PRELID2: variants seen among roughly 807,000 people sequenced by gnomAD.
The protein encoded by PRELID2 is PRELI domain containing 2, also known as PRELI domain-containing protein 2.
A neutral mutation model predicts 28.4 loss-of-function variants in PRELID2; 25 were observed. The ratio of observed to expected loss-of-function variants is 0.88; its 90% CI spans 0.64 to 1.23. PRELID2 has a LOEUF of 1.23. Among genes scored for constraint, PRELID2 ranks in the 50% most tolerant of loss-of-function variants. PRELID2 has a pLI of 0.00. For synonymous variants in PRELID2, 76 were observed against 71.6 expected, an observed-to-expected ratio of 1.06 and a Z score of -0.31; for missense variants, 201 against 214.4, an observed-to-expected ratio of 0.94 and a Z score of 0.39.
the PRELID2 span, among the ~76,000 whole-genome samples, chr5:145,433,050 C>A: frequency 6.6e-6 from 1 of 152,170 alleles, no homozygotes; most frequent in Middle Eastern, 3.4e-3. Context: ...AGCACTCCAC[C>A]AAGACATTAC....
intron 1 of PRELID2, among the ~76,000 whole-genome samples, chr5:145,707,362 T>A (rs1168511839): frequency 1.3e-5 from 2 of 152,182 alleles, no homozygotes; most frequent in Non-Finnish European, 2.9e-5. Context: ...AAGGCTCAGC[T>A]GACCTTTGGA....
chr5:145,549,438 CTTACTAAT>C (rs1752814111), intron 1 of PRELID2, among the ~76,000 whole-genome samples: 1 of 152,160 alleles, frequency 6.6e-6, no homozygotes, highest in Non-Finnish European at 1.5e-5. Context: ...GAGGTGTTTA[CTTACTAAT>C]TTCACGCTAT....
At chr5:145,546,557 C>T (rs1752790277) in intron 1 of PRELID2, among the ~76,000 whole-genome samples, 1 of 152,072 alleles carries the variant, frequency 6.6e-6, no homozygotes, top group South Asian at 2.1e-4. Flanking sequence ...GCAAGTAGAA[C>T]ATTCATTGTA....
At chr5:145,241,828 C>T in the PRELID2 span, among the ~76,000 whole-genome samples, 1 of 151,894 alleles carries the variant, frequency 6.6e-6, no homozygotes, top group Non-Finnish European at 1.5e-5. Context: ...CAGTGAACAT[C>T]GTTTTCTTAC....
At chr5:145,604,194 G>C (rs1982070) in intron 1 of PRELID2, among the ~76,000 whole-genome samples, 20,089 of 151,760 alleles carry the variant, frequency 0.13, 2,143 homozygotes, top group African/African-American at 0.28. Context: ...ATTTTATCAC[G>C]CAGGTAATAA....
intron 1 of PRELID2, among the ~76,000 whole-genome samples, chr5:145,624,643 A>G (rs1753819106): frequency 6.6e-6 from 1 of 152,258 alleles, no homozygotes; most frequent in Non-Finnish European, 1.5e-5. Context: ...TAAAGCTTTT[A>G]TAAGAAAATA....
the PRELID2 span, among the ~76,000 whole-genome samples, chr5:145,269,397 A>T: frequency 2.0e-5 from 3 of 152,012 alleles, no homozygotes; most frequent in Admixed American, 1.3e-4. Context: ...ATTGTGAAAT[A>T]AAAGTCTTTC....
chr5:145,437,751 CCT>C, the PRELID2 span, among the ~76,000 whole-genome samples: 1 of 152,058 alleles, frequency 6.6e-6, no homozygotes, highest in African/African-American at 2.4e-5. Flanking sequence ...CTTCCCTCTC[CCT>C]CTGTTTTTAG....
intron 1 of PRELID2, among the ~76,000 whole-genome samples, chr5:145,631,768 T>C (rs1294544501): frequency 6.6e-6 from 1 of 152,186 alleles, no homozygotes; most frequent in Non-Finnish European, 1.5e-5. Context: ...TCATTTAAAA[T>C]TTAAAGTCCA....
intron 1 of PRELID2, among the ~76,000 whole-genome samples, chr5:145,601,850 A>C (rs544687226): frequency 7.9e-5 from 12 of 152,290 alleles, no homozygotes; most frequent in African/African-American, 2.9e-4. Flanking sequence ...AGTTTGGAAA[A>C]CAGTATCAAC....
chr5:145,600,434 A>AAAAATATATATATATAT (rs1315631607), intron 1 of PRELID2, among the ~76,000 whole-genome samples: 12 of 120,112 alleles, frequency 1.0e-4, no homozygotes, highest in African/African-American at 4.9e-4. Context: ...AAAAAAAAAA[A>AAAAATATATATATATAT]ATATATATAT....
At chr5:145,811,346 T>G (rs1483505155) in intron 4 of PRELID2, among the ~76,000 whole-genome samples, 1 of 152,056 alleles carries the variant, frequency 6.6e-6, no homozygotes, top group Non-Finnish European at 1.5e-5. Flanking sequence ...TGGAATTCAA[T>G]GGCAGGATCA....
the PRELID2 span, among the ~76,000 whole-genome samples, chr5:145,291,616 G>T: frequency 0.017 from 2,560 of 152,174 alleles, 31 homozygotes; most frequent in Non-Finnish European, 0.023. Context: ...CCTAGGAAAT[G>T]AATCCAGTTC....
the PRELID2 span, among the ~76,000 whole-genome samples, chr5:145,233,300 G>A: frequency 6.6e-6 from 1 of 152,060 alleles, no homozygotes; most frequent in African/African-American, 2.4e-5. Context: ...CTCTCAAAAT[G>A]TGAAGTTCAG....
At chr5:145,286,724 G>GT in the PRELID2 span, among the ~76,000 whole-genome samples, 599 of 114,316 alleles carry the variant, frequency 5.2e-3, 3 homozygotes, top group South Asian at 9.9e-3. Flanking sequence ...TTGTTTGTTT[G>GT]TTTTTTTTTT....
intron 1 of PRELID2, among the ~76,000 whole-genome samples, chr5:145,742,466 A>C (rs1173025622): frequency 2.7e-5 from 4 of 148,444 alleles, no homozygotes; most frequent in Non-Finnish European, 4.5e-5. Flanking sequence ...GAAATCTCCA[A>C]ACATTTGGAA....
At chr5:145,388,924 A>G in the PRELID2 span, among the ~76,000 whole-genome samples, 4 of 152,156 alleles carry the variant, frequency 2.6e-5, no homozygotes, top group Admixed American at 1.3e-4. Flanking sequence ...TATCTTTATA[A>G]CATCTGCATG....
At chr5:145,426,393 C>A in the PRELID2 span, among the ~76,000 whole-genome samples, 1 of 152,128 alleles carries the variant, frequency 6.6e-6, no homozygotes, top group Non-Finnish European at 1.5e-5. Context: ...CTTTCAGCTA[C>A]ATCTTAAATG....
intron 1 of PRELID2, among the ~76,000 whole-genome samples, chr5:145,749,508 T>C (rs1581136916): frequency 1.3e-5 from 2 of 152,172 alleles, no homozygotes; most frequent in Admixed American, 6.5e-5. Flanking sequence ...ACTTTTACAG[T>C]GTTGGTGGGA....
Sources: gnomAD v4.1 joint callset for allele counts (sites outside exome capture counted in the v4.1 genomes callset) on GRCh38, gnomAD v4.1.1 for gene constraint, MANE v1.5 for transcripts, NCBI Gene and HGNC (gene_info 2026-07-23, HGNC 2026-07-21) for gene names.